The following CAMTA1 variants were observed in gnomAD, a reference collection of about 807,000 sequenced individuals.
The protein encoded by CAMTA1 is calmodulin-binding transcription activator 1.
In CAMTA1, 27 loss-of-function variants were observed where a neutral mutation model predicts 170.9. That is an observed-to-expected ratio of 0.16 (90% CI 0.12 to 0.22). CAMTA1 has a LOEUF of 0.22. Ranked by LOEUF, CAMTA1 falls within the 10% of genes least tolerant of loss-of-function variation. The probability of loss-of-function intolerance (pLI) is 1.00; values close to 1 mark genes in which losing one functional copy is unlikely to be tolerated. For synonymous variants in CAMTA1, 833 were observed against 891.5 expected (o/e 0.93, Z 1.17); for missense variants, 1,619 against 2,217.2 (o/e 0.73, Z 5.42).
Position 7,664,389 on chromosome 1 carries a change from G to C in CAMTA1, c.1842G>C (p.Pro614=). Residue 614 remains proline (P), a synonymous_variant, in exon 9 of 23, where the codon CCG becomes CCC. Transcript: ENST00000303635. ...HSPHIHQTPS[P]SFFLQDASKP... ...CCCACATCCACCAGACCCCCTCCCCGAGCTTCTTCCTGCAGGACGCCAGCA... is the reference window on the plus strand; with the variant it reads ...CCCACATCCACCAGACCCCCTCCCCCAGCTTCTTCCTGCAGGACGCCAGCA... The C allele has an allele frequency of 6.2e-7, 1 of 1,613,526 alleles. No individual in the cohort carries two copies. The highest frequency in any genetic ancestry group is 8.5e-7 in the Non-Finnish European group (1 of 1,179,962).
chr1:7,226,256 C>T (rs1661676097), intron 4 of CAMTA1, among the ~76,000 whole-genome samples: 1 of 152,242 alleles, frequency 6.6e-6, no homozygotes, highest in Admixed American at 6.5e-5. Context: ...GCCCCGCCAC[C>T]TCACCCTCAT....
chr1:6,853,470 A>C (rs1661168069), intron 3 of CAMTA1, among the ~76,000 whole-genome samples: 1 of 152,196 alleles, frequency 6.6e-6, no homozygotes, highest in African/African-American at 2.4e-5. Flanking sequence ...TAGTAACAGC[A>C]GTAGTAGTAG....
At chr1:6,822,527 G>C (rs772763421) in intron 2 of CAMTA1, among the ~76,000 whole-genome samples, 1 of 152,088 alleles carries the variant, frequency 6.6e-6, no homozygotes, top group African/African-American at 2.4e-5. Flanking sequence ...TTTATATTCA[G>C]CGTGAACCTA....
intron 5 of CAMTA1, among the ~76,000 whole-genome samples, chr1:7,274,260 T>C (rs1670259648): frequency 6.6e-6 from 1 of 151,870 alleles, no homozygotes; most frequent in Non-Finnish European, 1.5e-5. Context: ...AGTAAAAAGA[T>C]GGGAAAAAAT....
rs148325360 is a variant in CAMTA1 at position 7,404,505 on chromosome 1, G to A, written c.439-63325G>A. 2.1e-3 allele frequency among the ~76,000 whole-genome samples: 313 copies of A among 152,366 alleles called. 1 individual carries two copies. Among genetic ancestry groups the A allele is most frequent in the Non-Finnish European group, 3.7e-3 (252 of 68,036 alleles). ...CCCGAGGAGAGTGGCCTGTTGCCAC[G>A]CACAGAGCTGATGGGAAATGTGAGC... On this transcript the variant is annotated intron_variant, in intron 5 of 22. Coordinates refer to ENST00000303635, the MANE Select transcript of CAMTA1 (RefSeq NM_015215.4).
At chr1:7,462,324 G>A (rs1021273698) in intron 5 of CAMTA1, among the ~76,000 whole-genome samples, 4 of 152,150 alleles carry the variant, frequency 2.6e-5, no homozygotes, top group African/African-American at 9.7e-5. Context: ...GGAGTGCAGT[G>A]GCATAATCTT....
rs368589742 is a variant in CAMTA1, at chr1:7,184,124, C to T, written c.303-65367C>T. 1.8e-3 allele frequency among the ~76,000 whole-genome samples: 271 copies of T among 152,156 alleles called. 1 individual carries two copies. The highest frequency in any genetic ancestry group is 6.0e-3 in the African/African-American group (248 of 41,522). On this transcript the variant is annotated intron_variant, in intron 4 of 22. Coordinates refer to ENST00000303635, the MANE Select transcript of CAMTA1 (RefSeq NM_015215.4). ...GCCATTGTGTTAAGTGAAATAAGCC[C>T]GGCACGGAAAGACAAACTTTTCATG...
Position 7,664,899 on chromosome 1 carries a change from G to T in CAMTA1, c.2352G>T (p.Glu784Asp), listed in dbSNP as rs961992589. ...TGATCAACGACTTCATCTCCGTGGA[G>T]GGGGGCAGCAGCACCATCTATGGGC... is the stretch of plus-strand genomic sequence containing the variant. ...SDLINDFISV[E>D]GGSSTIYGHQ... The change falls in exon 9 of 23, where the codon GAG (glutamate) becomes GAT (aspartate). Residue 784 changes from glutamate (E) to aspartate (D), a missense_variant. Coordinates refer to ENST00000303635, the MANE Select transcript of CAMTA1 (RefSeq NM_015215.4). The T allele has an allele frequency of 1.4e-5, 22 of 1,613,114 alleles. No individual in the cohort carries two copies. The highest frequency in any genetic ancestry group is 1.8e-5 in the Non-Finnish European group (21 of 1,180,002).
At chr1:7,676,059 C>T (rs183513658) in intron 10 of CAMTA1, among the ~76,000 whole-genome samples, 1 of 152,386 alleles carries the variant, frequency 6.6e-6, no homozygotes, top group East Asian at 1.9e-4. Context: ...TTCTCCAAGG[C>T]TGGCCCAAGG....
intron 3 of CAMTA1, among the ~76,000 whole-genome samples, chr1:7,032,319 C>A (rs1456725225): frequency 6.6e-6 from 1 of 152,092 alleles, no homozygotes; most frequent in Non-Finnish European, 1.5e-5. Context: ...TTTATCATTC[C>A]ATTTTATCTC....
At chr1:7,066,696 T>G (rs1709006916) in intron 3 of CAMTA1, among the ~76,000 whole-genome samples, 1 of 152,228 alleles carries the variant, frequency 6.6e-6, no homozygotes, top group South Asian at 2.1e-4. Context: ...TTGCATTCTT[T>G]CAGAAGTCCT....
intron 3 of CAMTA1, among the ~76,000 whole-genome samples, chr1:7,074,345 C>CT (rs1432183630): frequency 1.3e-5 from 2 of 152,104 alleles, no homozygotes; most frequent in Non-Finnish European, 2.9e-5. Context: ...GCCATTTTGA[C>CT]TTTGAGTTAC....
intron 5 of CAMTA1, among the ~76,000 whole-genome samples, chr1:7,418,871 C>T (rs933860670): frequency 2.6e-5 from 4 of 152,170 alleles, no homozygotes; most frequent in African/African-American, 4.8e-5. Context: ...TGCCGGGACC[C>T]GAATCTGGAC....
intron 4 of CAMTA1, among the ~76,000 whole-genome samples, chr1:7,197,562 G>A (rs1042816944): frequency 1.3e-4 from 19 of 151,428 alleles, no homozygotes; most frequent in Admixed American, 2.0e-4. Context: ...AGGAACCTGC[G>A]TGTGGGATGT....
chr1:7,272,316 G>C (rs1001822288), intron 5 of CAMTA1, among the ~76,000 whole-genome samples: 1 of 152,106 alleles, frequency 6.6e-6, no homozygotes, highest in Non-Finnish European at 1.5e-5. Flanking sequence ...TCAGATGGCA[G>C]TACTCCCCAA....
At chr1:6,853,850 C>T (rs1241732603) in intron 3 of CAMTA1, among the ~76,000 whole-genome samples, 2 of 152,134 alleles carry the variant, frequency 1.3e-5, no homozygotes, top group Non-Finnish European at 2.9e-5. Flanking sequence ...ATTCAGTTCT[C>T]CAGGAAGTTA....
In CAMTA1 at chr1:7,398,193, CTATATATATATATATATATATA is replaced by C. The variant is rs3034829; in HGVS notation, c.439-69613_439-69592del. Among the ~76,000 whole-genome samples, 19 of 16,898 alleles carry C rather than the reference CTATATATATATATATATATATA, an allele frequency of 1.1e-3. 1 individual carries two copies. The highest frequency in any genetic ancestry group is 3.2e-3 in the South Asian group (1 of 314). 11.1% of individuals were successfully genotyped at this position (16,898 alleles called of 152,430 possible). On this transcript the variant is annotated intron_variant, in intron 5 of 22. Coordinates refer to ENST00000303635, the MANE Select transcript of CAMTA1 (RefSeq NM_015215.4). ...TCTCTCTCTCTCTCTCTCTCTCTCT[CTATATATATATATATATATATA>C]TATATATATATATATATATATATTT...
intron 4 of CAMTA1, among the ~76,000 whole-genome samples, chr1:7,135,170 T>G (rs916766428): frequency 1.3e-5 from 2 of 152,142 alleles, no homozygotes; most frequent in Admixed American, 1.3e-4. Context: ...GCGGATCACC[T>G]GAGGTCAGGA....
In CAMTA1 at chr1:6,894,538, G is replaced by T. The variant is rs546027536; in HGVS notation, c.234+69328G>T. ...TTCCTAAATTGATTACCTCTCAAGC[G>T]TCAGCCCTTCTTGGCAGTAAATACG... On this transcript the variant is annotated intron_variant, in intron 3 of 22. Transcript: ENST00000303635. 4.2e-4 allele frequency among the ~76,000 whole-genome samples: 64 copies of T among 152,324 alleles called. 2 individuals are homozygous for T. The South Asian group carries it at 0.012, about 28-fold the overall frequency.
Sources: gnomAD v4.1 joint callset for allele counts (sites outside exome capture counted in the v4.1 genomes callset) on GRCh38, gnomAD v4.1.1 for gene constraint, MANE v1.5 for transcripts, NCBI Gene and HGNC (gene_info 2026-07-23, HGNC 2026-07-21) for gene names.